ZNF229: variants seen among roughly 807,000 people sequenced by gnomAD.
ZNF229 encodes the protein zinc finger protein 229.
A neutral mutation model predicts 11.8 loss-of-function variants in ZNF229; 10 were observed. That is an observed-to-expected ratio of 0.85 (90% CI 0.52 to 1.44). The LOEUF (loss-of-function observed/expected upper bound fraction) is 1.44, where lower values mean the gene tolerates loss of function less well. Ranked by LOEUF, ZNF229 falls within the 40% of genes most tolerant of loss-of-function variation. The pLI is 0.00. For missense variants in ZNF229, 1,045 were observed against 1,015.1 expected (o/e 1.03, Z -0.40); for synonymous variants, 368 against 374.8 (o/e 0.98, Z 0.21).
intron 4 of ZNF229, among the ~76,000 whole-genome samples, chr19:44,436,245 C>T (rs1370735377): frequency 6.6e-6 from 1 of 152,066 alleles, no homozygotes; most frequent in Non-Finnish European, 1.5e-5. Flanking sequence ...TGGTAGTGTG[C>T]ACCTGTAGTC....
At chr19:44,444,091 G>A (rs1971963626) in intron 2 of ZNF229, among the ~76,000 whole-genome samples, 1 of 152,062 alleles carries the variant, frequency 6.6e-6, no homozygotes, top group African/African-American at 2.4e-5. Flanking sequence ...TCTGGCACAC[G>A]GGAAGCACTT....
In ZNF229 at chr19:44,428,270, C is replaced by T; in HGVS notation, c.*33G>A. 6.4e-7 allele frequency: 1 copy of T among 1,557,010 alleles called. No individual in the cohort carries two copies. The highest frequency in any genetic ancestry group is 8.7e-7 in the Non-Finnish European group (1 of 1,149,560). ...TGTTGGCTCTCAGATGGATAGAAAG[C>T]TCTGAGTCCCAGATGGAATCCTCTA... On this transcript the variant is annotated 3_prime_UTR_variant, in exon 6 of 6. Coordinates refer to ENST00000614049, the MANE Select transcript of ZNF229 (RefSeq NM_014518.4).
At chr19:44,438,687 C>T (rs1346711981) in intron 4 of ZNF229, among the ~76,000 whole-genome samples, 6 of 152,108 alleles carry the variant, frequency 3.9e-5, no homozygotes, top group African/African-American at 7.2e-5. Context: ...CCCCAACCTC[C>T]AGTGAGGGGA....
intron 1 of ZNF229, 134 bp downstream of exon 1, chr19:44,448,175 G>A (rs553248416): frequency 1.3e-5 from 2 of 152,350 alleles, no homozygotes; most frequent in East Asian, 1.9e-4. Flanking sequence ...CCGCACTGCA[G>A]ATCTCATCTC....
rs1465702803 is a variant in ZNF229 at position 44,430,443 on chromosome 19, G to A, written c.338C>T (p.Ala113Val). ...LSSCKIWEEV[A>V]GELPGSQDCR... ...GTCTTGGCTCCCAGGTAATTCACCT[G>A]CCACCTCTTCCCAGATTTTGCATGA... The change falls in exon 6 of 6, where the codon GCA (alanine) becomes GTA (valine). Residue 113 changes from alanine (A) to valine (V), a missense_variant. Ala to Val is a moderately conservative substitution (Grantham distance 64). Transcript: ENST00000614049. 6 of 1,614,102 alleles carry A rather than the reference G, an allele frequency of 3.7e-6. No individual in the cohort carries two copies. Among genetic ancestry groups the A allele is most frequent in the East Asian group, 4.5e-5 (2 of 44,880 alleles).
In ZNF229 at chr19:44,427,428, T is replaced by C. The variant is rs992406059; in HGVS notation, c.*875A>G. On this transcript the variant is annotated 3_prime_UTR_variant, in exon 6 of 6. Coordinates refer to ENST00000614049, the MANE Select transcript of ZNF229 (RefSeq NM_014518.4). ...CAAATTCCTAGAAATATGCTTAAGA[T>C]GACTCAGAACCTATTTTTAACCATC... The C allele has an allele frequency of 6.6e-6, 1 of 151,924 alleles. No homozygotes were observed. Among genetic ancestry groups the C allele is most frequent in the Non-Finnish European group, 1.5e-5 (1 of 68,026 alleles). 9.4% of individuals were successfully genotyped at this position (151,924 alleles called of 1,614,324 possible). A position where few individuals can be genotyped will look rare whatever the true frequency, so the allele number is the denominator to read the frequency against.
At chr19:44,438,031 C>A (rs1971843799) in intron 4 of ZNF229, among the ~76,000 whole-genome samples, 1 of 152,112 alleles carries the variant, frequency 6.6e-6, no homozygotes, top group South Asian at 2.1e-4. Context: ...GGCTTATTGC[C>A]TGAGTGACAA....
chr19:44,441,668 A>G (rs204550), intron 4 of ZNF229, among the ~76,000 whole-genome samples: 116,216 of 152,132 alleles, frequency 0.76, 45,213 homozygotes, highest in East Asian at 1. Flanking sequence ...ATGTGTGTGT[A>G]CATATATATG....
At position 44,428,578 on chromosome 19, in the gene ZNF229, T is replaced by C. The variant is rs563098651; in HGVS notation, c.2203A>G (p.Thr735Ala). 3.6e-5 allele frequency: 58 copies of C among 1,613,814 alleles called. No homozygotes were observed. In the South Asian group the frequency reaches 5.7e-4, roughly 16 times the overall value. ...SGLLSHKRVH[T>A]GEKPYRCHVC... ...TGGCATCTGTATGGCTTCTCGCCAG[T>C]GTGCACTCTCTTATGACTAAGGAGA... Residue 735 changes from threonine to alanine, a missense_variant, in exon 6 of 6, where the codon ACT becomes GCT. Coordinates refer to ENST00000614049, the MANE Select transcript of ZNF229 (RefSeq NM_014518.4).
intron 4 of ZNF229, among the ~76,000 whole-genome samples, chr19:44,433,729 T>C (rs1411088497): frequency 6.6e-6 from 1 of 152,124 alleles, no homozygotes; most frequent in Non-Finnish European, 1.5e-5. Flanking sequence ...CTTTTCTTTA[T>C]AAATCACCCA....
At chr19:44,447,309 A>T (rs1972019209) in intron 2 of ZNF229, among the ~76,000 whole-genome samples, 1 of 152,188 alleles carries the variant, frequency 6.6e-6, no homozygotes, top group Non-Finnish European at 1.5e-5. Context: ...GTAAGCCTTT[A>T]CTGACCCAGT....
chr19:44,439,825 G>A (rs1320696790), intron 4 of ZNF229, among the ~76,000 whole-genome samples: 1 of 152,142 alleles, frequency 6.6e-6, no homozygotes, highest in African/African-American at 2.4e-5. Flanking sequence ...TGTTAATGTT[G>A]GGCATATTAG....
Position 44,430,426 on chromosome 19 carries a change from T to C in ZNF229, c.355A>G (p.Ser119Gly). ...TGCAGATTTACTCTACAGTCTTGGC[T>C]CCCAGGTAATTCACCTGCCACCTCT... ...WEEVAGELPG[S>G]QDCRVNLQGK... is the part of the protein sequence containing the mutation. Residue 119 changes from serine to glycine, a missense_variant, in exon 6 of 6, where the codon AGC becomes GGC. Ser to Gly is a moderately conservative substitution (Grantham distance 56). Coordinates refer to ENST00000614049, the MANE Select transcript of ZNF229 (RefSeq NM_014518.4). 3 of 1,614,150 alleles carry C rather than the reference T, an allele frequency of 1.9e-6. No homozygotes were observed. The highest frequency in any genetic ancestry group is 2.5e-6 in the Non-Finnish European group (3 of 1,180,042).
At position 44,429,508 on chromosome 19, in the gene ZNF229, T is replaced by G; in HGVS notation, c.1273A>C (p.Arg425=). The part of the protein sequence containing the change: ...SYSSVLQVHQ[R]LHTGEKPYTC... ...TAGGGCTTCTCCCCTGTGTGCAGCC[T>G]CTGATGGACTTGAAGCACTGAGCTG... The change falls in exon 6 of 6, where the codon AGG becomes CGG. Residue 425 remains arginine (R), a synonymous_variant. Coordinates refer to ENST00000614049, the MANE Select transcript of ZNF229 (RefSeq NM_014518.4). 2 of 1,612,052 alleles carry G rather than the reference T, an allele frequency of 1.2e-6. No homozygotes were observed. The highest frequency in any genetic ancestry group is 1.7e-6 in the Non-Finnish European group (2 of 1,178,532).
chr19:44,443,321 A>G (rs1441964138), intron 2 of ZNF229, among the ~76,000 whole-genome samples: 13 of 152,202 alleles, frequency 8.5e-5, no homozygotes, highest in Admixed American at 5.9e-4. Flanking sequence ...GTGACCTGTG[A>G]AGAAACACCT....
intron 4 of ZNF229, among the ~76,000 whole-genome samples, chr19:44,436,464 T>A (rs7255453): frequency 1.6e-3 from 246 of 152,228 alleles, no homozygotes; most frequent in African/African-American, 5.5e-3. Context: ...ACCATTTTTT[T>A]AATCAAATTT....
intron 4 of ZNF229, among the ~76,000 whole-genome samples, chr19:44,433,909 G>C (rs1189274195): frequency 2.6e-5 from 4 of 152,110 alleles, no homozygotes; most frequent in Non-Finnish European, 5.9e-5. Flanking sequence ...TGGGACTACA[G>C]GCATGTGCCA....
At position 44,426,553 on chromosome 19, in the gene ZNF229, T is replaced by A. The variant is rs1971575229; in HGVS notation, c.*1750A>T. 1 of 152,202 alleles carries A rather than the reference T, an allele frequency of 6.6e-6. No homozygotes were observed. The highest frequency in any genetic ancestry group is 2.4e-5 in the African/African-American group (1 of 41,418). 9.4% of individuals were successfully genotyped at this position (152,202 alleles called of 1,614,324 possible). A position where few individuals can be genotyped will look rare whatever the true frequency, so the allele number is the denominator to read the frequency against. On this transcript the variant is annotated 3_prime_UTR_variant, in exon 6 of 6. Transcript: ENST00000614049. ...CTCTCCTGGTTCACTAAATACTTCA[T>A]GAGCAACCTGCATTGTCATTATCTG... is the stretch of plus-strand genomic sequence containing the variant.
intron 4 of ZNF229, 110 bp downstream of exon 4, chr19:44,442,453 T>C (rs1971928534): frequency 9.4e-7 from 1 of 1,068,150 alleles, no homozygotes; most frequent in Non-Finnish European, 1.4e-6. Flanking sequence ...CAACGAGAAA[T>C]GTATTCACCC....
Sources: allele counts gnomAD v4.1 joint callset (sites outside exome capture counted in the v4.1 genomes callset), GRCh38; gene constraint gnomAD v4.1.1; transcripts MANE v1.5; gene names NCBI Gene and HGNC (gene_info 2026-07-23, HGNC 2026-07-21).